Variants in RPA3 observed in about 807,000 individuals in gnomAD.
The protein encoded by RPA3 is replication protein A 14 kDa subunit.
A neutral mutation model predicts 13.7 loss-of-function variants in RPA3; 24 were observed. That is an observed-to-expected ratio of 1.75 (90% CI 1.27 to 2.46). The LOEUF (loss-of-function observed/expected upper bound fraction) is 2.46. Ranked by LOEUF, RPA3 falls within the 30% of genes most tolerant of loss-of-function variation. The probability of loss-of-function intolerance (pLI) is 0.00; values close to 1 mark genes in which losing one functional copy is unlikely to be tolerated. For synonymous variants in RPA3, 59 were observed against 51.2 expected (o/e 1.15, Z -0.65); for missense variants, 183 against 151.0 (o/e 1.21, Z -1.11).
Position 7,660,815 on chromosome 7 carries a change from T to A in RPA3, c.-757-19640A>T, listed in dbSNP as rs1003843031. 3.9e-5 allele frequency among the ~76,000 whole-genome samples: 6 copies of A among 152,316 alleles called. No homozygotes were observed. The South Asian group carries it at 1.2e-3, about 32-fold the overall frequency. ...CTTATCGAGGATTATCTTTGTGGTG[T>A]TCTCTGTATTTCCTGAATTTGAATG... On this transcript the variant is annotated intron_variant, in intron 4 of 7. Coordinates refer to ENST00000223129, the MANE Select transcript of RPA3 (RefSeq NM_002947.5).
rs566346757 is a variant in RPA3 at position 7,690,983 on chromosome 7, C to T, written c.-1027-3655G>A. The stretch of plus-strand genomic sequence containing the variant: ...TAAAGGAGTGCAGTTTCTTTCTGCT[C>T]CTTCTAGGTCTCCAAAGTTACAGGA... On this transcript the variant is annotated intron_variant, in intron 2 of 7. Transcript: ENST00000223129. Among the ~76,000 whole-genome samples the T allele has an allele frequency of 4.6e-5, 7 of 152,182 alleles. No individual in the cohort carries two copies. In the South Asian group the frequency reaches 6.2e-4, roughly 14 times the overall value.
rs147805451 is a variant in RPA3, at chr7:7,652,209, G to T, written c.-757-11034C>A. ...TTCATGCTCCTGTTTTACATTGCTC[G>T]TTTGCTCACTTGGCCATTTATTCAT... On this transcript the variant is annotated intron_variant, in intron 4 of 7. Coordinates refer to ENST00000223129, the MANE Select transcript of RPA3 (RefSeq NM_002947.5). Among the ~76,000 whole-genome samples, 15 of 152,252 alleles carry T rather than the reference G, an allele frequency of 9.9e-5. No individual in the cohort carries two copies. In the East Asian group the frequency reaches 2.9e-3, roughly 29 times the overall value.
At chr7:7,715,414 A>C (rs28912677) in intron 1 of RPA3, among the ~76,000 whole-genome samples, 188 bp from the exon 2 acceptor site, 3 of 152,338 alleles carry the variant, frequency 2.0e-5, no homozygotes, top group East Asian at 3.9e-4. Context: ...GCTACTGATA[A>C]CCAAAGCTAG....
rs998769659 is a variant in RPA3 at position 7,717,945 on chromosome 7, G to A, written c.-1080+570C>T. Among the ~76,000 whole-genome samples, 41 of 152,198 alleles carry A rather than the reference G, an allele frequency of 2.7e-4. 1 individual carries two copies. Among genetic ancestry groups the A allele is most frequent in the Non-Finnish European group, 1.5e-5 (1 of 68,028 alleles). On this transcript the variant is annotated intron_variant, in intron 1 of 7. Coordinates refer to ENST00000223129, the MANE Select transcript of RPA3 (RefSeq NM_002947.5). ...ACTTGATGTTTAATTGTAATATTAA[G>A]AGTCACAGAGTGCTGTAGATTCTGT...
chr7:7,637,379 T>C (rs2115537024), intron 7 of RPA3, among the ~76,000 whole-genome samples: 1 of 152,276 alleles, frequency 6.6e-6, no homozygotes, highest in Non-Finnish European at 1.5e-5. Context: ...AATACTATTT[T>C]TGTTATATTT....
intron 4 of RPA3, among the ~76,000 whole-genome samples, chr7:7,676,520 A>G (rs1368235793): frequency 6.6e-6 from 1 of 152,210 alleles, no homozygotes; most frequent in Non-Finnish European, 1.5e-5. Context: ...ATTCTAAGAC[A>G]TTATTGACAT....
At chr7:7,644,388 T>C (rs1785049134) in intron 4 of RPA3, among the ~76,000 whole-genome samples, 1 of 151,370 alleles carries the variant, frequency 6.6e-6, no homozygotes, top group Non-Finnish European at 1.5e-5. Flanking sequence ...CCTCTTTTAA[T>C]ATAGTTAAAC....
At chr7:7,688,112 C>G (rs1780082134) in intron 2 of RPA3, among the ~76,000 whole-genome samples, 2 of 152,196 alleles carry the variant, frequency 1.3e-5, no homozygotes, top group African/African-American at 2.4e-5. Context: ...ACTTCTGACA[C>G]TACATGTAAA....
intron 2 of RPA3, among the ~76,000 whole-genome samples, chr7:7,707,346 C>G (rs1396466362): frequency 6.6e-6 from 1 of 152,114 alleles, no homozygotes; most frequent in Non-Finnish European, 1.5e-5. Flanking sequence ...AAATTTGTAA[C>G]TACGGTACTT....
chr7:7,662,428 C>A (rs1483818261), intron 4 of RPA3, among the ~76,000 whole-genome samples: 1 of 152,166 alleles, frequency 6.6e-6, no homozygotes, highest in South Asian at 2.1e-4. Context: ...TGCTTAAAAC[C>A]CAGGTCCGTG....
chr7:7,660,571 G>T (rs1044877670), intron 4 of RPA3, among the ~76,000 whole-genome samples: 14 of 152,148 alleles, frequency 9.2e-5, no homozygotes, highest in Non-Finnish European at 1.8e-4. Context: ...AGCTTAGTTT[G>T]GCTGGATATG....
intron 4 of RPA3, among the ~76,000 whole-genome samples, chr7:7,669,967 G>C (rs1779565207): frequency 6.6e-6 from 1 of 152,108 alleles, no homozygotes; most frequent in South Asian, 2.1e-4. Context: ...TCTGATGTTT[G>C]GAAGTGACAG....
Position 7,703,704 on chromosome 7 carries a change from C to T in RPA3, c.-1028+11471G>A, listed in dbSNP as rs577239773. Among the ~76,000 whole-genome samples the T allele has an allele frequency of 5.3e-5, 8 of 152,282 alleles. 1 individual carries two copies. The highest frequency in any genetic ancestry group is 1.9e-4 in the African/African-American group (8 of 41,548). ...GCAGACATCTCAGCACTTTGGGAAG[C>T]CGAGACTGGCAGATCGCTTGAGCCC... On this transcript the variant is annotated intron_variant, in intron 2 of 7. Transcript: ENST00000223129.
chr7:7,697,007 C>G lies in RPA3; in HGVS notation c.-1027-9679G>C, dbSNP rs557465556. Among the ~76,000 whole-genome samples, 14 of 152,270 alleles carry G rather than the reference C, an allele frequency of 9.2e-5. No homozygotes were observed. In the East Asian group the frequency reaches 2.1e-3, roughly 23 times the overall value. ...GCTCAGTAAACACCCTCTCTTTGCT[C>G]CAAGGTCTGTATAACTTCTGTCTTA... On this transcript the variant is annotated intron_variant, in intron 2 of 7. Coordinates refer to ENST00000223129, the MANE Select transcript of RPA3 (RefSeq NM_002947.5).
At chr7:7,672,534 T>C (rs546539876) in intron 4 of RPA3, among the ~76,000 whole-genome samples, 1 of 152,192 alleles carries the variant, frequency 6.6e-6, no homozygotes, top group Non-Finnish European at 1.5e-5. Flanking sequence ...TTAATGCCCA[T>C]GTGTCGAGGG....
chr7:7,679,373 AATATATATTTATATATTTAATTTATAGAT>A (rs1265495626), intron 4 of RPA3, among the ~76,000 whole-genome samples: 2 of 8,338 alleles, frequency 2.4e-4, no homozygotes, highest in Non-Finnish European at 3.2e-4. Flanking sequence ...GTTTATAGAT[AATATATATTTATATATTTAATTTATAGAT>A]AATATATATT....
chr7:7,717,159 C>T (rs1780936527), intron 1 of RPA3, among the ~76,000 whole-genome samples: 1 of 150,848 alleles, frequency 6.6e-6, no homozygotes, highest in Non-Finnish European at 1.5e-5. Context: ...CGGGTTCAAG[C>T]GATTCTCTCA....
chr7:7,684,592 T>C (rs1161530246), intron 4 of RPA3, among the ~76,000 whole-genome samples: 1 of 152,202 alleles, frequency 6.6e-6, no homozygotes, highest in Non-Finnish European at 1.5e-5. Flanking sequence ...TACGGAGGGC[T>C]GACAGTTTTT....
intron 4 of RPA3, among the ~76,000 whole-genome samples, chr7:7,645,089 CTGAT>C (rs1217347428): frequency 1.3e-5 from 2 of 151,910 alleles, no homozygotes; most frequent in Non-Finnish European, 2.9e-5. Flanking sequence ...AAGATTTTAA[CTGAT>C]TGTTTTGGTA....
Sources: gnomAD v4.1 joint callset for allele counts (sites outside exome capture counted in the v4.1 genomes callset) on GRCh38, gnomAD v4.1.1 for gene constraint, MANE v1.5 for transcripts, NCBI Gene and HGNC (gene_info 2026-07-23, HGNC 2026-07-21) for gene names.